NRXN1: variants seen among roughly 807,000 people sequenced by gnomAD.
NRXN1 encodes neurexin-1.
In NRXN1, 39 loss-of-function variants were observed where a neutral mutation model predicts 150.9. The observed-to-expected ratio is 0.26, with a 90% CI of 0.20 to 0.34. The LOEUF is 0.34. Among genes scored for constraint, NRXN1 ranks in the 10% least tolerant of loss-of-function variants. The probability of loss-of-function intolerance (pLI) is 1.00; values close to 1 mark genes in which losing one functional copy is unlikely to be tolerated. For missense variants in NRXN1, 1,815 were observed against 1,949.9 expected (o/e 0.93, Z 1.30); for synonymous variants, 924 against 757.0 (o/e 1.22, Z -3.62).
At position 50,948,820 on chromosome 2, in the gene NRXN1, A is replaced by C. The variant is rs369203350; in HGVS notation, c.773-22865T>G. Among the ~76,000 whole-genome samples, 76 of 152,164 alleles carry C rather than the reference A, an allele frequency of 5.0e-4. 2 individuals carry two copies. In the South Asian group the frequency reaches 0.012, roughly 24 times the overall value. ...TTTGGAAGTCTAATTTTTTGTGAGA[A>C]CTACTAGGTTATTTACAAGTAGGGA... is the stretch of plus-strand genomic sequence containing the variant. On this transcript the variant is annotated intron_variant, in intron 2 of 22. Transcript: ENST00000401669.
chr2:51,031,555 TTCTC>T (rs1386192963), intron 1 of NRXN1, among the ~76,000 whole-genome samples: 8 of 152,078 alleles, frequency 5.3e-5, no homozygotes, highest in African/African-American at 1.9e-4. Flanking sequence ...ACAGCCAAAA[TTCTC>T]TCTGGCTTTC....
intron 17 of NRXN1, among the ~76,000 whole-genome samples, chr2:50,307,928 T>G (rs1212844173): frequency 6.6e-6 from 1 of 152,230 alleles, no homozygotes; most frequent in Non-Finnish European, 1.5e-5. Flanking sequence ...TTATGGAGTT[T>G]TATGAGCACT....
chr2:50,718,738 C>T lies in NRXN1; in HGVS notation c.833-95123G>A, dbSNP rs568465452. Among the ~76,000 whole-genome samples, 39 of 152,048 alleles carry T rather than the reference C, an allele frequency of 2.6e-4. No individual in the cohort carries two copies. In the South Asian group the frequency reaches 2.7e-3, roughly 11 times the overall value. On this transcript the variant is annotated intron_variant, in intron 5 of 22. Coordinates refer to ENST00000401669, the MANE Select transcript of NRXN1 (RefSeq NM_001330078.2). ...ATGTGTGTTTGCATTCATGTGCCTGCGTGTGTGTGAAATAAAAATTTCATA... is the reference window on the plus strand; with the variant it reads ...ATGTGTGTTTGCATTCATGTGCCTGTGTGTGTGTGAAATAAAAATTTCATA...
intron 8 of NRXN1, among the ~76,000 whole-genome samples, chr2:50,574,326 T>C (rs1395179643): frequency 6.6e-6 from 1 of 152,066 alleles, no homozygotes; most frequent in Non-Finnish European, 1.5e-5. Context: ...AATTGGCTGA[T>C]ATATTGGCTT....
chr2:50,472,861 G>A (rs13031679), intron 15 of NRXN1, among the ~76,000 whole-genome samples: 3 of 150,220 alleles, frequency 2.0e-5, no homozygotes, highest in African/African-American at 7.4e-5. Context: ...CTGATTATTA[G>A]TATCATTGTT....
intron 2 of NRXN1, among the ~76,000 whole-genome samples, chr2:50,940,696 G>T (rs1689300354): frequency 6.6e-6 from 1 of 151,772 alleles, no homozygotes; most frequent in South Asian, 2.1e-4. Flanking sequence ...TTTGTTTTTT[G>T]TTTTTCACAT....
At chr2:50,787,524 T>G (rs1283314130) in intron 5 of NRXN1, among the ~76,000 whole-genome samples, 1 of 151,658 alleles carries the variant, frequency 6.6e-6, no homozygotes, top group Non-Finnish European at 1.5e-5. Flanking sequence ...ATCACACCAT[T>G]GAAGCCTGGG....
intron 5 of NRXN1, among the ~76,000 whole-genome samples, chr2:50,896,450 A>G (rs987423149): frequency 1.3e-5 from 2 of 152,178 alleles, no homozygotes; most frequent in Non-Finnish European, 2.9e-5. Flanking sequence ...ATTCGTGTAT[A>G]TATTAGAAAA....
In NRXN1 at chr2:49,922,076, A is replaced by C. The variant is rs112536447; in HGVS notation, c.4392T>G (p.His1464Gln). Reference protein sequence around the residue: ...KYRNRDEGSYHVDESRNYISN... With the variant: ...KYRNRDEGSYQVDESRNYISN... ...TGATGTAGTTTCGACTCTCGTCCAC[A>C]TGGTATGAGCCTTCATCCCGGTTTC... Residue 1464 changes from histidine (H) to glutamine (Q), a missense_variant, in exon 23 of 23, where the codon CAT becomes CAG. By Grantham distance (24) the His-to-Gln change is conservative (BLOSUM62 0). Transcript: ENST00000401669. The C allele has an allele frequency of 1.2e-6, 2 of 1,614,098 alleles. No homozygotes were observed. The highest frequency in any genetic ancestry group is 1.3e-5 in the African/African-American group (1 of 75,032).
rs940746325 is a variant in NRXN1 at position 50,327,306 on chromosome 2, C to T, written c.3365-90336G>A. Among the ~76,000 whole-genome samples the T allele has an allele frequency of 4.6e-5, 7 of 152,090 alleles. No homozygotes were observed. The East Asian group carries it at 1.3e-3, about 29-fold the overall frequency. ...CACAAAACAGAACATTCTTTACAAT[C>T]CCATTTATATCAACTTCAGGACAGG... On this transcript the variant is annotated intron_variant, in intron 17 of 22. Transcript: ENST00000401669.
At chr2:50,244,269 C>G (rs1318241888) in intron 17 of NRXN1, among the ~76,000 whole-genome samples, 1 of 151,780 alleles carries the variant, frequency 6.6e-6, no homozygotes, top group Non-Finnish European at 1.5e-5. Flanking sequence ...AGATCCATGG[C>G]TGACCTATCT....
chr2:50,213,993 C>G (rs1452246560), intron 18 of NRXN1, among the ~76,000 whole-genome samples: 1 of 151,848 alleles, frequency 6.6e-6, no homozygotes, highest in Non-Finnish European at 1.5e-5. Flanking sequence ...TAAGTTTATG[C>G]TGATTACTAA....
chr2:50,664,947 T>G (rs1304287520), intron 5 of NRXN1, among the ~76,000 whole-genome samples: 1 of 152,054 alleles, frequency 6.6e-6, no homozygotes, highest in African/African-American at 2.4e-5. Context: ...TTTTTGGTTC[T>G]TTCACATGTA....
chr2:50,508,414 G>GA (rs59406629), intron 12 of NRXN1, among the ~76,000 whole-genome samples: 98,905 of 148,186 alleles, frequency 0.67, 33,676 homozygotes, highest in South Asian at 0.76. Flanking sequence ...GTTCCAGGAT[G>GA]AAAAAAAAAA....
intron 17 of NRXN1, among the ~76,000 whole-genome samples, chr2:50,265,998 ATTTATTTT>A (rs72140474): frequency 0.14 from 15,895 of 109,780 alleles, 1,060 homozygotes; most frequent in Admixed American, 0.22. Context: ...TATTATTATT[ATTTATTTT>A]TTTTTTTTTT....
At chr2:50,169,761 G>A (rs958701532) in intron 18 of NRXN1, among the ~76,000 whole-genome samples, 2 of 150,804 alleles carry the variant, frequency 1.3e-5, no homozygotes, top group African/African-American at 4.9e-5. Flanking sequence ...GAGGTAGATG[G>A]AGGACGGGGG....
chr2:50,669,028 C>A (rs1688459368), intron 5 of NRXN1, among the ~76,000 whole-genome samples: 1 of 151,740 alleles, frequency 6.6e-6, no homozygotes, highest in Non-Finnish European at 1.5e-5. Flanking sequence ...TTTGTGGGAA[C>A]TGGAGAGAAG....
At chr2:50,540,477 T>C (rs927718106) in intron 9 of NRXN1, among the ~76,000 whole-genome samples, 3 of 152,190 alleles carry the variant, frequency 2.0e-5, no homozygotes, top group South Asian at 2.1e-4. Context: ...ATTTTTTATA[T>C]AGCCCTATTC....
chr2:50,943,666 A>G (rs1342223486), intron 2 of NRXN1, among the ~76,000 whole-genome samples: 3 of 152,182 alleles, frequency 2.0e-5, no homozygotes, highest in Non-Finnish European at 2.9e-5. Context: ...AATCATCCCA[A>G]TAAGAATTCC....
Sources: allele counts gnomAD v4.1 joint callset (sites outside exome capture counted in the v4.1 genomes callset), GRCh38; gene constraint gnomAD v4.1.1; transcripts MANE v1.5; gene names NCBI Gene and HGNC (gene_info 2026-07-23, HGNC 2026-07-21).